RASGEF1C: variants seen among roughly 807,000 people sequenced by gnomAD.
RASGEF1C encodes RasGEF domain family member 1C.
Under a neutral mutation model 58.1 loss-of-function variants are expected in RASGEF1C, and 27 were observed. That is an observed-to-expected ratio of 0.46 (90% CI 0.34 to 0.64). The LOEUF (loss-of-function observed/expected upper bound fraction) is 0.64, where lower values mean the gene tolerates loss of function less well. Among genes scored for constraint, RASGEF1C ranks in the 30% least tolerant of loss-of-function variants. The pLI is 0.01. For synonymous variants in RASGEF1C, 243 were observed against 246.3 expected, an observed-to-expected ratio of 0.99 and a Z score of 0.13; for missense variants, 502 against 605.1, an observed-to-expected ratio of 0.83 and a Z score of 1.79.
At chr5:180,160,042 A>G (rs1766915595) in intron 1 of RASGEF1C, among the ~76,000 whole-genome samples, 2 of 152,124 alleles carry the variant, frequency 1.3e-5, no homozygotes, top group Non-Finnish European at 2.9e-5. Flanking sequence ...GCCCCAGGGG[A>G]TACTCCTGCC....
chr5:180,136,587 T>G, intron 3 of RASGEF1C, 72 bp from the exon 4 acceptor site: 1 of 1,486,144 alleles, frequency 6.7e-7, no homozygotes, highest in Non-Finnish European at 9.0e-7. Context: ...TGCGCGTCCT[T>G]GCGGGTCTGG....
intron 1 of RASGEF1C, among the ~76,000 whole-genome samples, chr5:180,206,882 AAG>A (rs1210317738): frequency 1.3e-5 from 2 of 152,236 alleles, no homozygotes; most frequent in African/African-American, 4.8e-5. Context: ...GTTTTGCAGA[AAG>A]AGACACAGGA....
intron 1 of RASGEF1C, among the ~76,000 whole-genome samples, 159 bp downstream of exon 1, chr5:180,208,869 G>A (rs1366530508): frequency 1.3e-5 from 2 of 149,852 alleles, no homozygotes; most frequent in Admixed American, 1.3e-4. Flanking sequence ...CGGCGGCCGC[G>A]CGGACCCCGC....
chr5:180,127,593 C>A lies in RASGEF1C; in HGVS notation c.714+16G>T. On this transcript the variant is annotated intron_variant, in intron 6 of 13. Coordinates refer to ENST00000361132, the MANE Select transcript of RASGEF1C (RefSeq NM_175062.4). ...GGTGAGGCTCACTTTTGGGACAGCC[C>A]GTAAGAGCCTCCTACCTTTGTGCTG... 1 of 1,604,640 alleles carries A rather than the reference C, an allele frequency of 6.2e-7. No individual in the cohort carries two copies. The highest frequency in any genetic ancestry group is 8.5e-7 in the Non-Finnish European group (1 of 1,176,150).
chr5:180,153,981 C>A (rs1766809551), intron 1 of RASGEF1C, among the ~76,000 whole-genome samples: 1 of 152,202 alleles, frequency 6.6e-6, no homozygotes, highest in Admixed American at 6.5e-5. Context: ...CCCTGGTCAG[C>A]ATGTGTCCCA....
chr5:180,183,238 A>C (rs1238293670), intron 1 of RASGEF1C, among the ~76,000 whole-genome samples: 1 of 152,222 alleles, frequency 6.6e-6, no homozygotes, highest in Non-Finnish European at 1.5e-5. Context: ...AGAAGACACT[A>C]AAACACAGAT....
chr5:180,101,562 G>A (rs1765785657), intron 13 of RASGEF1C, 37 bp from the exon 14 acceptor site: 3 of 1,608,654 alleles, frequency 1.9e-6, no homozygotes, highest in East Asian at 2.2e-5. Context: ...GTGAGAGCCT[G>A]GAGCTCCCCA....
intron 1 of RASGEF1C, among the ~76,000 whole-genome samples, chr5:180,164,887 G>C (rs1766995015): frequency 6.6e-6 from 1 of 152,144 alleles, no homozygotes; most frequent in Non-Finnish European, 1.5e-5. Flanking sequence ...TATATTTGCG[G>C]ATTTGTCTAT....
chr5:180,201,207 G>A (rs1191784870), intron 1 of RASGEF1C, among the ~76,000 whole-genome samples: 1 of 152,198 alleles, frequency 6.6e-6, no homozygotes, highest in Non-Finnish European at 1.5e-5. Context: ...GACAGCATTC[G>A]AGCCCGGAGG....
At chr5:180,185,702 T>C (rs781171960) in intron 1 of RASGEF1C, among the ~76,000 whole-genome samples, 2 of 152,074 alleles carry the variant, frequency 1.3e-5, no homozygotes, top group Non-Finnish European at 2.9e-5. Context: ...CATGCAAAAA[T>C]TATTCGAATG....
intron 1 of RASGEF1C, among the ~76,000 whole-genome samples, chr5:180,170,960 G>A (rs1767099337): frequency 6.6e-6 from 1 of 152,228 alleles, no homozygotes; most frequent in Admixed American, 6.5e-5. Flanking sequence ...GTGGGGAGGA[G>A]GGGCTGTCAG....
At chr5:180,174,022 T>C (rs12517541) in intron 1 of RASGEF1C, among the ~76,000 whole-genome samples, 53,091 of 151,248 alleles carry the variant, frequency 0.35, 11,737 homozygotes, top group Non-Finnish European at 0.49. Context: ...TCTCAGAAAG[T>C]TGGGGAAGTG....
At chr5:180,115,253 A>T (rs1278258056) in intron 10 of RASGEF1C, 3 of 434,502 alleles carry the variant, frequency 6.9e-6, no homozygotes, top group African/African-American at 2.1e-5. Context: ...TGACCTTGTG[A>T]TCTGCTCGCC....
chr5:180,137,597 A>G lies in RASGEF1C; in HGVS notation c.293T>C (p.Leu98Pro), dbSNP rs753156029. 1.2e-6 allele frequency: 2 copies of G among 1,611,492 alleles called. No individual in the cohort carries two copies. The highest frequency in any genetic ancestry group is 2.2e-5 in the East Asian group (1 of 44,826). Residue 98 changes from leucine to proline, a missense_variant, in exon 3 of 14, where the codon CTG becomes CCG. Coordinates refer to ENST00000361132, the MANE Select transcript of RASGEF1C (RefSeq NM_175062.4). This position sits in a 1 kb window ranked among gnomAD's most constrained non-coding sequence, Gnocchi z 4.1. ...IEQQQLDKPV[L>P]DKARVRKFGP... is the part of the protein sequence containing the mutation. ...GCCTGCCCTCCGCCTCACCTTGTCC[A>G]GCACCGGCTTGTCCAGCTGCTGCTG...
chr5:180,137,764 G>T lies in RASGEF1C; in HGVS notation c.178-52C>A. The stretch of plus-strand genomic sequence containing the variant: ...CAGGCTCAGGAGGGCACCAGGAGGG[G>T]CATGCTTCCCAGCTGGCCCTGTACC... On this transcript the variant is annotated intron_variant, in intron 2 of 13. Coordinates refer to ENST00000361132, the MANE Select transcript of RASGEF1C (RefSeq NM_175062.4). The surrounding 1 kb of genome is among the most constrained non-coding windows in gnomAD (Gnocchi z 4.1). 6.2e-7 allele frequency: 1 copy of T among 1,608,210 alleles called. No homozygotes were observed. The highest frequency in any genetic ancestry group is 8.5e-7 in the Non-Finnish European group (1 of 1,177,012).
chr5:180,141,906 C>T (rs946109452), intron 1 of RASGEF1C, among the ~76,000 whole-genome samples: 3 of 152,080 alleles, frequency 2.0e-5, no homozygotes, highest in African/African-American at 7.2e-5. Context: ...GACGGGGTTT[C>T]ACCATGTTAG....
chr5:180,171,844 C>A lies in RASGEF1C; in HGVS notation c.-6-33786G>T, dbSNP rs577584311. On this transcript the variant is annotated intron_variant, in intron 1 of 13. Transcript: ENST00000361132. ...GAGGTAAGGCTGTGAGGGCCAGGACCTGCTCGGCAGCCAGGGTGTGGGCCC... is the reference window on the plus strand; with the variant it reads ...GAGGTAAGGCTGTGAGGGCCAGGACATGCTCGGCAGCCAGGGTGTGGGCCC... 8.5e-5 allele frequency among the ~76,000 whole-genome samples: 13 copies of A among 152,318 alleles called. No individual in the cohort carries two copies. In the South Asian group the frequency reaches 2.5e-3, roughly 29 times the overall value.
At position 180,115,307 on chromosome 5, in the gene RASGEF1C, A is replaced by T. The variant is rs545333573; in HGVS notation, c.1084-766T>A. ...CTCCTTTTTAAAAAAAAAAAAAAAA[A>T]TTTAACAATTTGTCCCCCTCTGTCT... is the stretch of plus-strand genomic sequence containing the variant. On this transcript the variant is annotated intron_variant, in intron 10 of 13. Coordinates refer to ENST00000361132, the MANE Select transcript of RASGEF1C (RefSeq NM_175062.4). 92 of 435,862 alleles carry T rather than the reference A, an allele frequency of 2.1e-4. 1 individual carries two copies. Among genetic ancestry groups the T allele is most frequent in the South Asian group, 9.2e-4 (56 of 61,144 alleles). The allele number at this position is 435,862 out of a possible 1,614,324, so 27.0% of individuals were successfully genotyped here.
At chr5:180,201,373 A>C (rs999612136) in intron 1 of RASGEF1C, among the ~76,000 whole-genome samples, 1 of 152,148 alleles carries the variant, frequency 6.6e-6, no homozygotes, top group African/African-American at 2.4e-5. Context: ...CTCAGAAAAC[A>C]CAAGTCCACT....
Sources: allele counts gnomAD v4.1 joint callset (sites outside exome capture counted in the v4.1 genomes callset), GRCh38; gene constraint gnomAD v4.1.1; non-coding constraint Gnocchi (gnomAD v3.1); transcripts MANE v1.5; gene names NCBI Gene and HGNC (gene_info 2026-07-23, HGNC 2026-07-21).